Variants in IRF2 observed in about 807,000 individuals in gnomAD.
IRF2 encodes the protein interferon regulatory factor 2.
Under a neutral mutation model 40.6 loss-of-function variants are expected in IRF2, and 15 were observed. That is an observed-to-expected ratio of 0.37 (90% CI 0.25 to 0.57). The LOEUF (loss-of-function observed/expected upper bound fraction) is 0.57. Ranked by LOEUF, IRF2 falls within the 20% of genes least tolerant of loss-of-function variation. The probability of loss-of-function intolerance (pLI) is 0.77; values close to 1 mark genes in which losing one functional copy is unlikely to be tolerated. For synonymous variants in IRF2, 151 were observed against 165.5 expected (o/e 0.91, Z 0.67); for missense variants, 317 against 455.7 (o/e 0.70, Z 2.77).
intron 1 of IRF2, among the ~76,000 whole-genome samples, chr4:184,456,460 G>A (rs1017184059): frequency 1.1e-4 from 17 of 152,220 alleles, no homozygotes; most frequent in Non-Finnish European, 1.5e-4. Flanking sequence ...GCTGCGCCAC[G>A]GGGAACGTGA....
chr4:184,462,052 T>C (rs1055980734), intron 1 of IRF2, among the ~76,000 whole-genome samples: 1 of 152,162 alleles, frequency 6.6e-6, no homozygotes. Context: ...AGTTTTCCCA[T>C]ATGAACAAAA....
chr4:184,416,613 A>T (rs966543353), intron 5 of IRF2, among the ~76,000 whole-genome samples: 1 of 152,216 alleles, frequency 6.6e-6, no homozygotes, highest in African/African-American at 2.4e-5. Flanking sequence ...TTTTTCAGGT[A>T]CAGTAATGAC....
chr4:184,467,026 TAA>T (rs1739352097), intron 1 of IRF2, among the ~76,000 whole-genome samples: 4 of 152,210 alleles, frequency 2.6e-5, no homozygotes, highest in Non-Finnish European at 4.4e-5. Context: ...CACTGTACCC[TAA>T]GGTGACTTCA....
At chr4:184,457,726 C>T (rs3822123) in intron 1 of IRF2, among the ~76,000 whole-genome samples, 3 of 151,926 alleles carry the variant, frequency 2.0e-5, no homozygotes, top group African/African-American at 4.8e-5. Flanking sequence ...CAAATGCACA[C>T]GCCTCAGAGC....
At chr4:184,433,488 T>C (rs1049194985) in intron 1 of IRF2, among the ~76,000 whole-genome samples, 1 of 152,240 alleles carries the variant, frequency 6.6e-6, no homozygotes, top group Non-Finnish European at 1.5e-5. Flanking sequence ...CTAGTAAGGA[T>C]GCAGCTCAGC....
chr4:184,399,156 C>T, intron 6 of IRF2, 77 bp from the exon 7 acceptor site: 1 of 1,462,532 alleles, frequency 6.8e-7, no homozygotes, highest in Admixed American at 2.3e-5. Context: ...AAAGAGTCTT[C>T]CCCAAAAGAG....
rs568520829 is a variant in IRF2 at position 184,449,480 on chromosome 4, C to G, written c.-6-20410G>C. ...GCTATTCCCAGGGCCCAGAGTACGG[C>G]AGAGGCCAACGCTCAATAAATATTA... is the stretch of plus-strand genomic sequence containing the variant. On this transcript the variant is annotated intron_variant, in intron 1 of 8. Coordinates refer to ENST00000393593, the MANE Select transcript of IRF2 (RefSeq NM_002199.4). Among the ~76,000 whole-genome samples, 34 of 152,362 alleles carry G rather than the reference C, an allele frequency of 2.2e-4. No homozygotes were observed. The Middle Eastern group carries it at 0.01, about 46-fold the overall frequency.
intron 6 of IRF2, among the ~76,000 whole-genome samples, chr4:184,402,428 C>T (rs565946848): frequency 6.6e-6 from 1 of 152,154 alleles, no homozygotes; most frequent in Non-Finnish European, 1.5e-5. Context: ...TACGATGGGC[C>T]GCGACCTTGT....
chr4:184,444,059 G>A (rs1272973011), intron 1 of IRF2, among the ~76,000 whole-genome samples: 1 of 152,190 alleles, frequency 6.6e-6, no homozygotes, highest in Non-Finnish European at 1.5e-5. Flanking sequence ...ACAGCCACAT[G>A]ACTCCAGGAC....
At chr4:184,444,966 T>A (rs1028463872) in intron 1 of IRF2, among the ~76,000 whole-genome samples, 3 of 152,170 alleles carry the variant, frequency 2.0e-5, no homozygotes, top group African/African-American at 7.2e-5. Context: ...GTTTTAACCA[T>A]CAGGGCAATC....
intron 8 of IRF2, 28 bp from the exon 9 acceptor site, chr4:184,389,094 T>A (rs768136655): frequency 3.4e-5 from 55 of 1,606,196 alleles, no homozygotes; most frequent in Non-Finnish European, 4.6e-5. Context: ...AAGATATGTA[T>A]TTCCTTCTCC....
intron 2 of IRF2, among the ~76,000 whole-genome samples, chr4:184,427,853 T>C (rs930942831): frequency 6.6e-6 from 1 of 152,170 alleles, no homozygotes. Flanking sequence ...AGATAAAGCC[T>C]GGCCAGCTAA....
intron 7 of IRF2, among the ~76,000 whole-genome samples, chr4:184,395,315 A>G (rs1292091680): frequency 6.8e-6 from 1 of 148,064 alleles, no homozygotes; most frequent in Non-Finnish European, 1.5e-5. Flanking sequence ...CGGGAGGCTG[A>G]GGCAGGAGAA....
intron 5 of IRF2, among the ~76,000 whole-genome samples, chr4:184,410,933 C>T (rs1004413242): frequency 6.6e-6 from 1 of 152,194 alleles, no homozygotes; most frequent in African/African-American, 2.4e-5. Flanking sequence ...GAACTGAACT[C>T]TGTCTTTGGT....
intron 1 of IRF2, among the ~76,000 whole-genome samples, chr4:184,451,891 A>C (rs542161199): frequency 6.6e-6 from 1 of 152,306 alleles, no homozygotes; most frequent in South Asian, 2.1e-4. Context: ...AATCCCCCAT[A>C]AACAGGGATG....
chr4:184,430,852 G>A (rs758510101), intron 1 of IRF2, among the ~76,000 whole-genome samples: 9 of 151,950 alleles, frequency 5.9e-5, no homozygotes, highest in Non-Finnish European at 1.2e-4. Flanking sequence ...GAGCCACCAC[G>A]CCCAGCTATT....
chr4:184,424,335 T>C (rs145365440), intron 2 of IRF2, among the ~76,000 whole-genome samples: 165 of 152,262 alleles, frequency 1.1e-3, no homozygotes, highest in Admixed American at 3.9e-3. Context: ...TTATTAAAAG[T>C]AGGTGCTATG....
intron 1 of IRF2, among the ~76,000 whole-genome samples, chr4:184,444,924 A>C (rs1738446347): frequency 6.6e-6 from 1 of 152,252 alleles, no homozygotes; most frequent in Non-Finnish European, 1.5e-5. Context: ...GAATGCACAG[A>C]GCATAATGTG....
intron 5 of IRF2, 141 bp downstream of exon 5, chr4:184,418,026 G>A (rs1342980039): frequency 1.8e-5 from 13 of 717,828 alleles, no homozygotes; most frequent in South Asian, 1.7e-5. Flanking sequence ...ATGCTGAAGA[G>A]CAAACATGTA....
Sources: gnomAD v4.1 joint callset for allele counts (sites outside exome capture counted in the v4.1 genomes callset) on GRCh38, gnomAD v4.1.1 for gene constraint, MANE v1.5 for transcripts, NCBI Gene and HGNC (gene_info 2026-07-23, HGNC 2026-07-21) for gene names.